The following TENM2 variants were observed in gnomAD, a reference collection of about 807,000 sequenced individuals.
The protein encoded by TENM2 is teneurin-2.
Under a neutral mutation model 245.2 loss-of-function variants are expected in TENM2, and 52 were observed. That is an observed-to-expected ratio of 0.21 (90% CI 0.17 to 0.27). TENM2 has a LOEUF of 0.27. TENM2 is among the 10% of genes least tolerant of loss of function. TENM2 has a pLI of 1.00. For missense variants in TENM2, 3,046 were observed against 3,666.8 expected (o/e 0.83, Z 4.37); for synonymous variants, 1,363 against 1,438.9 (o/e 0.95, Z 1.19).
chr5:167,897,533 A>G (rs1370259304), intron 3 of TENM2, among the ~76,000 whole-genome samples: 1 of 152,232 alleles, frequency 6.6e-6, no homozygotes, highest in Admixed American at 6.5e-5. Context: ...ACCCTGGAGA[A>G]TAAAGGATGC....
At chr5:168,225,569 T>G (rs777568839) in intron 23 of TENM2, among the ~76,000 whole-genome samples, 25 of 152,062 alleles carry the variant, frequency 1.6e-4, no homozygotes, top group Admixed American at 1.6e-3. Context: ...GAGACCAGAT[T>G]GGCCAACATG....
At chr5:167,945,249 A>G (rs1261796722) in intron 3 of TENM2, among the ~76,000 whole-genome samples, 4 of 152,124 alleles carry the variant, frequency 2.6e-5, no homozygotes, top group Non-Finnish European at 5.9e-5. Context: ...AGCACAGGAG[A>G]GTCCAAAAAT....
intron 1 of TENM2, among the ~76,000 whole-genome samples, chr5:167,357,817 C>G (rs1205440466): frequency 2.0e-5 from 3 of 152,146 alleles, no homozygotes; most frequent in Non-Finnish European, 4.4e-5. Flanking sequence ...TCTCACTCTT[C>G]CAGATGTTGC....
intron 1 of TENM2, among the ~76,000 whole-genome samples, chr5:167,370,615 C>A (rs1760358923): frequency 6.6e-6 from 1 of 152,186 alleles, no homozygotes; most frequent in Non-Finnish European, 1.5e-5. Context: ...TGATAATGTA[C>A]CATGGGGCCA....
chr5:167,241,213 T>C, the TENM2 span, among the ~76,000 whole-genome samples: 3 of 152,288 alleles, frequency 2.0e-5, no homozygotes, highest in East Asian at 1.9e-4. Flanking sequence ...TACTATATAC[T>C]GGGCACTAGG....
chr5:167,176,147 G>T, the TENM2 span, among the ~76,000 whole-genome samples: 2 of 152,218 alleles, frequency 1.3e-5, no homozygotes, highest in African/African-American at 4.8e-5. Flanking sequence ...TATTCTCTCA[G>T]TGAGTCTTTC....
At chr5:167,673,068 A>C (rs1412829872) in intron 2 of TENM2, among the ~76,000 whole-genome samples, 2 of 152,104 alleles carry the variant, frequency 1.3e-5, no homozygotes, top group African/African-American at 4.8e-5. Flanking sequence ...TTTGTATAAA[A>C]AGCATTAAAC....
At chr5:166,985,279 C>G in the TENM2 span, among the ~76,000 whole-genome samples, 1 of 152,100 alleles carries the variant, frequency 6.6e-6, no homozygotes, top group Non-Finnish European at 1.5e-5. Context: ...TTTGGCACTA[C>G]TGGCATGGAT....
chr5:167,719,036 A>G (rs771265994), intron 2 of TENM2, among the ~76,000 whole-genome samples: 58 of 152,214 alleles, frequency 3.8e-4, no homozygotes, highest in Non-Finnish European at 7.1e-4. Context: ...AACTCAATCC[A>G]TATGTTAATA....
exon 12 of TENM2, chr5:168,126,949 C>T (rs760024128): frequency 1.4e-5 from 22 of 1,605,908 alleles, no homozygotes; most frequent in Non-Finnish European, 1.7e-5. Flanking sequence ...GGTAGGCAAA[C>T]GGCAGGCACC....
chr5:167,870,538 T>G (rs2151337767), intron 2 of TENM2, among the ~76,000 whole-genome samples: 1 of 146,746 alleles, frequency 6.8e-6, no homozygotes, highest in African/African-American at 2.6e-5. Flanking sequence ...TACTGAATGT[T>G]AAAAGAATGT....
At chr5:167,051,851 C>T in the TENM2 span, among the ~76,000 whole-genome samples, 1 of 152,138 alleles carries the variant, frequency 6.6e-6, no homozygotes, top group Non-Finnish European at 1.5e-5. Flanking sequence ...CTCATATTTG[C>T]CCATGTCCCT....
the TENM2 span, among the ~76,000 whole-genome samples, chr5:167,275,359 A>T: frequency 2.8e-3 from 429 of 152,160 alleles, 1 homozygote; most frequent in Middle Eastern, 0.01. Flanking sequence ...GTGCCTTTCT[A>T]TATATACTGT....
chr5:168,230,518 A>C (rs1326757321), intron 25 of TENM2, among the ~76,000 whole-genome samples: 1 of 152,206 alleles, frequency 6.6e-6, no homozygotes, highest in Admixed American at 6.5e-5. Flanking sequence ...CCATTTCGTC[A>C]GATGTTTCGT....
At chr5:167,585,901 G>A (rs1775455934) in intron 2 of TENM2, among the ~76,000 whole-genome samples, 1 of 152,120 alleles carries the variant, frequency 6.6e-6, no homozygotes, top group Non-Finnish European at 1.5e-5. Context: ...AAGGCGGGTG[G>A]ATCACTTGAG....
chr5:168,200,331 A>G (rs1186254996), intron 17 of TENM2, among the ~76,000 whole-genome samples, 200 bp downstream of exon 19: 1 of 152,246 alleles, frequency 6.6e-6, no homozygotes, highest in African/African-American at 2.4e-5. Context: ...AGTGAAACAA[A>G]GAAATATCAA....
chr5:168,200,456 T>C (rs1037449795), intron 17 of TENM2, among the ~76,000 whole-genome samples: 2 of 152,182 alleles, frequency 1.3e-5, no homozygotes, highest in Non-Finnish European at 2.9e-5. Flanking sequence ...AAGCAGAGAC[T>C]AATGACAAGA....
intron 13 of TENM2, among the ~76,000 whole-genome samples, chr5:168,181,669 C>CTTTTTT (rs36042366): frequency 5.1e-5 from 4 of 78,890 alleles, no homozygotes; most frequent in Admixed American, 1.6e-4. Flanking sequence ...AGTTTTACTT[C>CTTTTTT]TTTTTTTTTT....
At position 167,861,065 on chromosome 5, in the gene TENM2, A is replaced by G. The variant is rs572094985; in HGVS notation, c.503-14921A>G. The stretch of plus-strand genomic sequence containing the variant: ...AAAAAAAAAAATTAAAAAAAAAAAA[A>G]AAAGAAAACAACGTCAAAATAAATC... On this transcript the variant is annotated intron_variant, in intron 2 of 28. Transcript: ENST00000518659. Among the ~76,000 whole-genome samples, 3 of 151,662 alleles carry G rather than the reference A, an allele frequency of 2.0e-5. No homozygotes were observed. In the South Asian group the frequency reaches 6.3e-4, roughly 32 times the overall value.
Sources: allele counts gnomAD v4.1 joint callset (sites outside exome capture counted in the v4.1 genomes callset), GRCh38; gene constraint gnomAD v4.1.1; transcripts MANE v1.5; gene names NCBI Gene and HGNC (gene_info 2026-07-23, HGNC 2026-07-21).